SLC2A13: variants seen among roughly 807,000 people sequenced by gnomAD.
SLC2A13 encodes proton myo-inositol cotransporter.
A neutral mutation model predicts 64.4 loss-of-function variants in SLC2A13; 32 were observed. The ratio of observed to expected loss-of-function variants is 0.50; its 90% CI spans 0.37 to 0.67. The LOEUF is 0.67. Among genes scored for constraint, SLC2A13 ranks in the 30% least tolerant of loss-of-function variants. SLC2A13 has a pLI of 0.00. For missense variants in SLC2A13, 743 were observed against 829.2 expected (o/e 0.90, Z 1.28); for synonymous variants, 338 against 327.1 (o/e 1.03, Z -0.36).
intron 4 of SLC2A13, among the ~76,000 whole-genome samples, chr12:39,879,540 A>G (rs533432327): frequency 6.6e-6 from 1 of 152,286 alleles, no homozygotes; most frequent in African/African-American, 2.4e-5. Context: ...AAGCTTTAAT[A>G]TTTAATTACA....
chr12:40,061,913 C>G (rs2136253729), intron 1 of SLC2A13, among the ~76,000 whole-genome samples: 1 of 151,782 alleles, frequency 6.6e-6, no homozygotes, highest in African/African-American at 2.4e-5. Context: ...TTCCCCATAT[C>G]GAGATTTATT....
chr12:39,869,040 G>C (rs536127402), intron 5 of SLC2A13, among the ~76,000 whole-genome samples: 1 of 152,014 alleles, frequency 6.6e-6, no homozygotes, highest in African/African-American at 2.4e-5. Context: ...TGAATCAAAG[G>C]TTAAAAATTC....
chr12:39,838,234 C>T (rs557084630), intron 6 of SLC2A13, among the ~76,000 whole-genome samples: 175 of 150,728 alleles, frequency 1.2e-3, no homozygotes, highest in African/African-American at 3.9e-3. Context: ...AGTAAACTGT[C>T]GCAAGATCAA....
intron 3 of SLC2A13, among the ~76,000 whole-genome samples, chr12:40,001,114 A>G (rs935689154): frequency 1.3e-5 from 2 of 152,202 alleles, no homozygotes; most frequent in Admixed American, 1.3e-4. Flanking sequence ...CACACACTCA[A>G]TGGATAAGCA....
At chr12:39,856,710 T>C (rs1329173921) in intron 6 of SLC2A13, among the ~76,000 whole-genome samples, 1 of 152,172 alleles carries the variant, frequency 6.6e-6, no homozygotes, top group Non-Finnish European at 1.5e-5. Context: ...TCCATAGCAA[T>C]AGGTATTTTC....
chr12:39,804,531 TG>T (rs1941905227), intron 7 of SLC2A13, among the ~76,000 whole-genome samples: 3 of 152,202 alleles, frequency 2.0e-5, no homozygotes, highest in Non-Finnish European at 4.4e-5. Context: ...TGGTATTCCC[TG>T]ATTTCTTAGC....
chr12:39,890,580 A>G (rs868103131), intron 4 of SLC2A13, among the ~76,000 whole-genome samples: 5 of 152,340 alleles, frequency 3.3e-5, no homozygotes, highest in Middle Eastern at 3.4e-3. Flanking sequence ...GATTTCTGAC[A>G]TACTAGACTG....
chr12:39,940,446 T>C lies in SLC2A13; in HGVS notation c.1034+10811A>G, dbSNP rs181036828. ...TAATACCAGCTGTGCTTGTTGAGGATAGAATATGAGAATGGAACAGATCCA... is the reference window on the plus strand; with the variant it reads ...TAATACCAGCTGTGCTTGTTGAGGACAGAATATGAGAATGGAACAGATCCA... On this transcript the variant is annotated intron_variant, in intron 4 of 9. Transcript: ENST00000280871. 1.2e-3 allele frequency among the ~76,000 whole-genome samples: 179 copies of C among 152,140 alleles called. 1 individual carries two copies. The highest frequency in any genetic ancestry group is 2.2e-3 in the Non-Finnish European group (152 of 67,996).
At chr12:39,905,400 T>C (rs1945244197) in intron 4 of SLC2A13, among the ~76,000 whole-genome samples, 1 of 152,108 alleles carries the variant, frequency 6.6e-6, no homozygotes, top group Non-Finnish European at 1.5e-5. Flanking sequence ...GTGGGAAGCA[T>C]GGCTGCAGAT....
intron 4 of SLC2A13, among the ~76,000 whole-genome samples, chr12:39,932,413 A>G (rs1592294391): frequency 6.6e-6 from 1 of 152,194 alleles, no homozygotes; most frequent in Non-Finnish European, 1.5e-5. Flanking sequence ...AAGGAGCAAC[A>G]GAAGCACAAT....
At chr12:40,031,673 C>T (rs982679865) in intron 2 of SLC2A13, among the ~76,000 whole-genome samples, 3 of 152,312 alleles carry the variant, frequency 2.0e-5, no homozygotes, top group African/African-American at 7.2e-5. Flanking sequence ...TTCACTGTAA[C>T]GTGTTTGTTC....
intron 4 of SLC2A13, among the ~76,000 whole-genome samples, chr12:39,895,173 C>A (rs1464246757): frequency 6.6e-6 from 1 of 151,950 alleles, no homozygotes; most frequent in Admixed American, 6.6e-5. Flanking sequence ...CCAGCCAGAA[C>A]CCTGAGTAAC....
intron 3 of SLC2A13, among the ~76,000 whole-genome samples, chr12:39,962,664 T>C (rs2136116622): frequency 6.6e-6 from 1 of 152,280 alleles, no homozygotes; most frequent in Middle Eastern, 3.4e-3. Context: ...ATAATAAAGT[T>C]TTCTCACCTA....
At chr12:39,762,798 T>G (rs1377488860) in intron 9 of SLC2A13, among the ~76,000 whole-genome samples, 1 of 152,082 alleles carries the variant, frequency 6.6e-6, no homozygotes, top group East Asian at 1.9e-4. Context: ...TAGAGAGTAG[T>G]AGACCAAATG....
At chr12:39,901,905 C>T (rs367970355) in intron 4 of SLC2A13, among the ~76,000 whole-genome samples, 33 of 151,736 alleles carry the variant, frequency 2.2e-4, no homozygotes, top group African/African-American at 7.3e-4. Flanking sequence ...ATGTTTATTG[C>T]GGCATTATTC....
At chr12:40,010,471 G>T (rs1022816038) in intron 3 of SLC2A13, among the ~76,000 whole-genome samples, 2 of 151,934 alleles carry the variant, frequency 1.3e-5, no homozygotes, top group African/African-American at 4.8e-5. Context: ...TGGATCAGCT[G>T]ACTAAAGCAT....
intron 7 of SLC2A13, among the ~76,000 whole-genome samples, chr12:39,786,422 ATC>A (rs1941191334): frequency 1.1e-4 from 1 of 8,788 alleles, no homozygotes; most frequent in Non-Finnish European, 2.5e-4. Flanking sequence ...GTCCAGTTAA[ATC>A]TCTTTTTCTT....
intron 2 of SLC2A13, among the ~76,000 whole-genome samples, chr12:40,045,976 T>A (rs534049387): frequency 1.3e-5 from 2 of 152,238 alleles, no homozygotes; most frequent in Non-Finnish European, 2.9e-5. Context: ...GAATGTTGAT[T>A]TTCCTTCAGC....
intron 1 of SLC2A13, among the ~76,000 whole-genome samples, chr12:40,102,948 G>A (rs1332800162): frequency 6.6e-6 from 1 of 152,178 alleles, no homozygotes; most frequent in Non-Finnish European, 1.5e-5. Context: ...TTCAAAGCCT[G>A]TTTATGATCT....
Sources: allele counts gnomAD v4.1 joint callset (sites outside exome capture counted in the v4.1 genomes callset), GRCh38; gene constraint gnomAD v4.1.1; transcripts MANE v1.5; gene names NCBI Gene and HGNC (gene_info 2026-07-23, HGNC 2026-07-21).